The following BCL11A variants were observed in gnomAD, a reference collection of about 807,000 sequenced individuals.
BCL11A encodes the protein B cell CLL/lymphoma 11A.
In BCL11A, 2 loss-of-function variants were observed where a neutral mutation model predicts 55.9. That is an observed-to-expected ratio of 0.04 (90% CI 0.01 to 0.11). The LOEUF (loss-of-function observed/expected upper bound fraction) is 0.11, where lower values mean the gene tolerates loss of function less well. Ranked by LOEUF, BCL11A falls within the 10% of genes least tolerant of loss-of-function variation. BCL11A has a pLI of 1.00. For synonymous variants in BCL11A, 465 were observed against 473.4 expected (o/e 0.98, Z 0.23); for missense variants, 817 against 1,137.1 (o/e 0.72, Z 4.05).
intron 2 of BCL11A, among the ~76,000 whole-genome samples, chr2:60,510,131 T>C (rs1308707846): frequency 6.6e-6 from 1 of 152,148 alleles, no homozygotes; most frequent in African/African-American, 2.4e-5. Flanking sequence ...TCTGCCTCAC[T>C]TTCCCATGCT....
chr2:60,473,116 A>G (rs182792941), intron 2 of BCL11A, among the ~76,000 whole-genome samples: 46 of 151,662 alleles, frequency 3.0e-4, no homozygotes, highest in African/African-American at 1.1e-3. Context: ...ATGTGTTAGC[A>G]TGTGCATGCA....
intron 2 of BCL11A, among the ~76,000 whole-genome samples, chr2:60,541,365 T>C (rs1020480594): frequency 2.0e-5 from 3 of 152,202 alleles, no homozygotes; most frequent in Non-Finnish European, 4.4e-5. Flanking sequence ...CCTTAGTAAG[T>C]TTAGCAGCCA....
In BCL11A at chr2:60,462,118, A is replaced by T; in HGVS notation, c.794T>A (p.Leu265Gln). Residue 265 changes from leucine (L) to glutamine (Q), a missense_variant, in exon 4 of 4, where the codon CTG becomes CAG. By Grantham distance (113) the Leu-to-Gln change is moderately radical (BLOSUM62 -2). Coordinates refer to ENST00000642384, the MANE Select transcript of BCL11A (RefSeq NM_022893.4). ...AEGRFPPTPP[L>Q]FSPPPRHHLD... ...GTGATGTCTCGGTGGTGGACTAAACAGGGGGGGAGTGGGTGGAAAGCGCCC... is the reference window on the plus strand; with the variant it reads ...GTGATGTCTCGGTGGTGGACTAAACTGGGGGGGAGTGGGTGGAAAGCGCCC... 6.4e-7 allele frequency: 1 copy of T among 1,555,140 alleles called. No individual in the cohort carries two copies. Among genetic ancestry groups the T allele is most frequent in the South Asian group, 1.2e-5 (1 of 81,040 alleles).
intron 2 of BCL11A, among the ~76,000 whole-genome samples, chr2:60,524,140 T>G (rs1031189991): frequency 2.0e-5 from 3 of 152,236 alleles, no homozygotes; most frequent in Non-Finnish European, 4.4e-5. Context: ...ATAATCTATA[T>G]ATCACATTGT....
chr2:60,473,699 T>C (rs1677353090), intron 2 of BCL11A, among the ~76,000 whole-genome samples: 1 of 152,254 alleles, frequency 6.6e-6, no homozygotes, highest in African/African-American at 2.4e-5. Flanking sequence ...TCTTCTCACT[T>C]AGATTCTCTG....
intron 2 of BCL11A, among the ~76,000 whole-genome samples, chr2:60,521,357 C>A (rs533018297): frequency 6.6e-6 from 1 of 152,174 alleles, no homozygotes; most frequent in Non-Finnish European, 1.5e-5. Context: ...CCAGAGGGAC[C>A]CGGGCCTGGG....
At chr2:60,509,424 C>T (rs540665652) in intron 2 of BCL11A, among the ~76,000 whole-genome samples, 2 of 152,250 alleles carry the variant, frequency 1.3e-5, no homozygotes, top group East Asian at 1.9e-4. Context: ...GCCACACGGA[C>T]GTCTCAGAAA....
intron 3 of BCL11A, among the ~76,000 whole-genome samples, chr2:60,468,241 G>T (rs1010492230): frequency 2.6e-5 from 4 of 152,084 alleles, no homozygotes; most frequent in African/African-American, 7.3e-5. Context: ...TTATGTGTGG[G>T]CATGAATATA....
chr2:60,491,514 A>G (rs1016408449), intron 2 of BCL11A, among the ~76,000 whole-genome samples: 1 of 151,952 alleles, frequency 6.6e-6, no homozygotes, highest in Non-Finnish European at 1.5e-5. Flanking sequence ...CTCTACTAAA[A>G]ATACAAAATT....
Position 60,532,328 on chromosome 2 carries a change from G to GT in BCL11A, c.385+13642dup, listed in dbSNP as rs546467088. Among the ~76,000 whole-genome samples the GT allele has an allele frequency of 1.9e-3, 265 of 139,044 alleles. 1 individual carries two copies. Among genetic ancestry groups the GT allele is most frequent in the Middle Eastern group, 7.5e-3 (2 of 268 alleles). 91.2% of individuals were successfully genotyped at this position (139,044 alleles called of 152,430 possible). A position where few individuals can be genotyped will look rare whatever the true frequency, so the allele number is the denominator to read the frequency against. On this transcript the variant is annotated intron_variant, in intron 2 of 3. Coordinates refer to ENST00000642384, the MANE Select transcript of BCL11A (RefSeq NM_022893.4). ...GTGGTTGTTGCTTTTTGGTTTTTGG[G>GT]TTTTTTTTTTTTTCCTTTTAAAACT...
At chr2:60,482,277 G>C (rs1437603787) in intron 2 of BCL11A, among the ~76,000 whole-genome samples, 1 of 151,406 alleles carries the variant, frequency 6.6e-6, no homozygotes, top group South Asian at 2.1e-4. Context: ...CCTGTTCACG[G>C]AGCGGACAGA....
intron 2 of BCL11A, among the ~76,000 whole-genome samples, chr2:60,513,334 G>T (rs529363825): frequency 2.0e-5 from 3 of 152,286 alleles, no homozygotes; most frequent in Admixed American, 1.3e-4. Context: ...CCCAGGAGTG[G>T]CACTAGAAGG....
chr2:60,519,539 T>TTGCCTGCCTGCCTGCCTGCC lies in BCL11A; in HGVS notation c.385+26412_385+26431dup, dbSNP rs3028029. Among the ~76,000 whole-genome samples the TTGCCTGCCTGCCTGCCTGCC allele has an allele frequency of 7.0e-3, 1,028 of 147,628 alleles. 14 individuals carry two copies. Among genetic ancestry groups the TTGCCTGCCTGCCTGCCTGCC allele is most frequent in the Non-Finnish European group, 8.7e-3 (579 of 66,614 alleles). ...TGCAGAGAAAAAATAAGGTCCTCAC[T>TTGCCTGCCTGCCTGCCTGCC]TGCCTGCCTGCCTGCCTGCCTGCCT... On this transcript the variant is annotated intron_variant, in intron 2 of 3. Coordinates refer to ENST00000642384, the MANE Select transcript of BCL11A (RefSeq NM_022893.4).
chr2:60,494,574 T>C (rs1678836618), intron 2 of BCL11A, among the ~76,000 whole-genome samples: 2 of 152,230 alleles, frequency 1.3e-5, no homozygotes, highest in Non-Finnish European at 2.9e-5. Flanking sequence ...CAATACAGAC[T>C]GGTTCTGTGA....
At chr2:60,506,000 C>G (rs780068137) in intron 2 of BCL11A, among the ~76,000 whole-genome samples, 8 of 152,148 alleles carry the variant, frequency 5.3e-5, no homozygotes, top group Non-Finnish European at 8.8e-5. Flanking sequence ...TAGGGCTTTG[C>G]AGGGTATGGG....
At chr2:60,549,557 G>A (rs572345934) in intron 1 of BCL11A, among the ~76,000 whole-genome samples, 1 of 152,302 alleles carries the variant, frequency 6.6e-6, no homozygotes, top group South Asian at 2.1e-4. Flanking sequence ...AGCGAGCAGC[G>A]TGCTGGCTGC....
Position 60,549,332 on chromosome 2 carries a change from G to C in BCL11A, c.56-3032C>G, listed in dbSNP as rs757282294. ...AAACGAGAGCTGCCGGGGAGCGGAG[G>C]GGGAGGGGGAAAGGGAGATGTGTCT... On this transcript the variant is annotated intron_variant, in intron 1 of 3. Transcript: ENST00000642384. 5.9e-5 allele frequency among the ~76,000 whole-genome samples: 9 copies of C among 152,340 alleles called. No individual in the cohort carries two copies. In the South Asian group the frequency reaches 6.2e-4, roughly 11 times the overall value.
chr2:60,491,910 A>G (rs1678663345), intron 2 of BCL11A, among the ~76,000 whole-genome samples: 2 of 152,226 alleles, frequency 1.3e-5, no homozygotes, highest in African/African-American at 4.8e-5. Context: ...CAAATCTGCC[A>G]AATAAATGAA....
downstream of BCL11A, among the ~76,000 whole-genome samples, chr2:60,456,088 T>C (rs998212842): frequency 7.9e-5 from 12 of 152,182 alleles, no homozygotes; most frequent in Non-Finnish European, 1.3e-4. Context: ...ACTTTCTTTA[T>C]ACTTTAGAAA....
Sources: gnomAD v4.1 joint callset for allele counts (sites outside exome capture counted in the v4.1 genomes callset) on GRCh38, gnomAD v4.1.1 for gene constraint, MANE v1.5 for transcripts, NCBI Gene and HGNC (gene_info 2026-07-23, HGNC 2026-07-21) for gene names.